The following GNA12 variants were observed in gnomAD, a reference collection of about 807,000 sequenced individuals.
GNA12 encodes the protein guanine nucleotide-binding protein subunit alpha-12.
Under a neutral mutation model 26.0 loss-of-function variants are expected in GNA12, and 9 were observed. The observed-to-expected ratio is 0.35, with a 90% CI of 0.21 to 0.60. The LOEUF is 0.60. Ranked by LOEUF, GNA12 falls within the 20% of genes least tolerant of loss-of-function variation. The pLI is 0.78. For missense variants in GNA12, 405 were observed against 525.8 expected (o/e 0.77, Z 2.25); for synonymous variants, 264 against 219.6 (o/e 1.20, Z -1.79).
intron 2 of GNA12, among the ~76,000 whole-genome samples, chr7:2,787,731 G>A (rs1042165944): frequency 1.3e-5 from 2 of 152,244 alleles, no homozygotes; most frequent in African/African-American, 2.4e-5. Flanking sequence ...GAGGCCGGGG[G>A]TAAGTGTCAT....
At chr7:2,762,203 C>G (rs1791591281) in intron 2 of GNA12, 1 of 169,748 alleles carries the variant, frequency 5.9e-6, no homozygotes, top group Non-Finnish European at 1.2e-5. Context: ...GGCTTCGTTT[C>G]TAGGAGAAGT....
intron 2 of GNA12, among the ~76,000 whole-genome samples, chr7:2,794,472 A>G (rs1370285338): frequency 6.6e-6 from 1 of 152,198 alleles, no homozygotes; most frequent in African/African-American, 2.4e-5. Context: ...TGAAGTTTTT[A>G]GACCTTAAAA....
intron 2 of GNA12, among the ~76,000 whole-genome samples, chr7:2,758,888 T>C (rs766240005): frequency 2.6e-5 from 4 of 152,112 alleles, no homozygotes; most frequent in Non-Finnish European, 4.4e-5. Context: ...CTCATGCCTA[T>C]AATCCCAGCG....
chr7:2,796,564 G>C (rs927811179), intron 1 of GNA12, among the ~76,000 whole-genome samples: 2 of 152,168 alleles, frequency 1.3e-5, no homozygotes, highest in African/African-American at 4.8e-5. Flanking sequence ...AATCCAGGCA[G>C]TCAGCAGTCA....
chr7:2,783,299 C>T (rs2266921), intron 2 of GNA12, among the ~76,000 whole-genome samples: 23,459 of 152,160 alleles, frequency 0.15, 1,920 homozygotes, highest in Non-Finnish European at 0.19. Context: ...AAACTGGATC[C>T]ATCGCACAGG....
At chr7:2,816,501 G>C (rs1793223063) in intron 1 of GNA12, among the ~76,000 whole-genome samples, 1 of 152,204 alleles carries the variant, frequency 6.6e-6, no homozygotes, top group Non-Finnish European at 1.5e-5. Flanking sequence ...AAAGTGCTGG[G>C]ATTACAGGCG....
At chr7:2,770,612 G>T (rs1008197012) in intron 2 of GNA12, among the ~76,000 whole-genome samples, 1 of 151,828 alleles carries the variant, frequency 6.6e-6, no homozygotes, top group Admixed American at 6.6e-5. Context: ...CTCCAGCCTG[G>T]GCCACATAGT....
At chr7:2,839,977 G>A (rs975018283) in intron 1 of GNA12, among the ~76,000 whole-genome samples, 7 of 152,162 alleles carry the variant, frequency 4.6e-5, no homozygotes, top group Admixed American at 6.5e-5. Context: ...CAGCCTGGGC[G>A]ACAGAGCAAG....
chr7:2,824,405 G>A (rs998277624), intron 1 of GNA12, among the ~76,000 whole-genome samples: 2 of 152,092 alleles, frequency 1.3e-5, no homozygotes, highest in Non-Finnish European at 1.5e-5. Context: ...CTGGGTCTGC[G>A]GAGGCCTCTG....
intron 2 of GNA12, among the ~76,000 whole-genome samples, chr7:2,750,754 C>T (rs915330493): frequency 2.6e-5 from 4 of 152,168 alleles, no homozygotes; most frequent in South Asian, 4.1e-4. Flanking sequence ...GCAAGGGGGA[C>T]TATCGGACAG....
chr7:2,743,546 G>C (rs1420305296), intron 2 of GNA12, among the ~76,000 whole-genome samples: 4 of 152,188 alleles, frequency 2.6e-5, no homozygotes, highest in African/African-American at 9.7e-5. Context: ...AATCTTATCA[G>C]AGGTCAGGGA....
chr7:2,742,594 C>T (rs1033734984), intron 2 of GNA12, among the ~76,000 whole-genome samples: 5 of 152,176 alleles, frequency 3.3e-5, no homozygotes, highest in Non-Finnish European at 2.9e-5. Flanking sequence ...CACTGAGTCT[C>T]GCCGGCCCTT....
intron 2 of GNA12, among the ~76,000 whole-genome samples, chr7:2,742,692 G>A (rs920242366): frequency 6.6e-6 from 1 of 152,162 alleles, no homozygotes; most frequent in African/African-American, 2.4e-5. Context: ...TTTTGAATGA[G>A]GCCTTTAATT....
chr7:2,732,790 C>T (rs1789967508), intron 3 of GNA12, among the ~76,000 whole-genome samples: 1 of 152,100 alleles, frequency 6.6e-6, no homozygotes, highest in African/African-American at 2.4e-5. Flanking sequence ...TCCAGTTACT[C>T]CAATAAACAA....
At chr7:2,772,276 A>G (rs1791968141) in intron 2 of GNA12, among the ~76,000 whole-genome samples, 1 of 152,238 alleles carries the variant, frequency 6.6e-6, no homozygotes, top group Non-Finnish European at 1.5e-5. Flanking sequence ...AAAGGTGCCA[A>G]ACATGCTGGG....
intron 2 of GNA12, among the ~76,000 whole-genome samples, chr7:2,745,812 G>A (rs1790736686): frequency 6.6e-6 from 1 of 152,172 alleles, no homozygotes; most frequent in African/African-American, 2.4e-5. Flanking sequence ...TCAAAATAAA[G>A]GGATGCAGGA....
intron 1 of GNA12, among the ~76,000 whole-genome samples, chr7:2,806,781 T>C (rs1451124672): frequency 8.5e-5 from 13 of 152,162 alleles, no homozygotes; most frequent in Admixed American, 8.5e-4. Context: ...AAGATTGAGG[T>C]AATCCCTATG....
chr7:2,801,388 G>C (rs193147866), intron 1 of GNA12, among the ~76,000 whole-genome samples: 43 of 152,300 alleles, frequency 2.8e-4, no homozygotes, highest in African/African-American at 9.6e-4. Context: ...AAGGCCAAAG[G>C]TCACTTACGA....
At chr7:2,780,175 T>C (rs1338932240) in intron 2 of GNA12, among the ~76,000 whole-genome samples, 1 of 150,224 alleles carries the variant, frequency 6.7e-6, no homozygotes, top group Admixed American at 6.7e-5. Context: ...CAGGGACTTC[T>C]TTCCATGTCA....
Sources: gnomAD v4.1 joint callset for allele counts (sites outside exome capture counted in the v4.1 genomes callset) on GRCh38, gnomAD v4.1.1 for gene constraint, MANE v1.5 for transcripts, NCBI Gene and HGNC (gene_info 2026-07-23, HGNC 2026-07-21) for gene names.